THSD7B: variants seen among roughly 807,000 people sequenced by gnomAD.
The protein encoded by THSD7B is thrombospondin type-1 domain-containing protein 7B.
Under a neutral mutation model 213.6 loss-of-function variants are expected in THSD7B, and 138 were observed. The ratio of observed to expected loss-of-function variants is 0.65; its 90% CI spans 0.56 to 0.74. The LOEUF (loss-of-function observed/expected upper bound fraction) is 0.74, where lower values mean the gene tolerates loss of function less well. Ranked by LOEUF, THSD7B falls within the 30% of genes least tolerant of loss-of-function variation. The pLI, the probability that THSD7B is intolerant of heterozygous loss-of-function variation, is 0.00. For missense variants in THSD7B, 1,931 were observed against 1,991.5 expected (o/e 0.97, Z 0.58); for synonymous variants, 742 against 687.0 (o/e 1.08, Z -1.25).
chr2:137,598,686 G>T (rs150440283), intron 17 of THSD7B, among the ~76,000 whole-genome samples: 141 of 152,264 alleles, frequency 9.3e-4, no homozygotes, highest in Non-Finnish European at 1.7e-3. Context: ...TATTGTTAAT[G>T]TGTTAGAACA....
At chr2:137,021,566 A>G (rs1686446318) in intron 2 of THSD7B, among the ~76,000 whole-genome samples, 1 of 152,228 alleles carries the variant, frequency 6.6e-6, no homozygotes, top group Non-Finnish European at 1.5e-5. Context: ...GTGAATTCAC[A>G]TACATTTGTA....
chr2:136,914,925 A>G (rs181370064), intron 2 of THSD7B, among the ~76,000 whole-genome samples: 12 of 152,348 alleles, frequency 7.9e-5, no homozygotes, highest in South Asian at 4.1e-4. Flanking sequence ...CTATATTACC[A>G]GAAACATTAT....
At chr2:137,674,480 T>C (rs769107984) in intron 27 of THSD7B, among the ~76,000 whole-genome samples, 1 of 152,186 alleles carries the variant, frequency 6.6e-6, no homozygotes, top group African/African-American at 2.4e-5. Flanking sequence ...GTGTGCATGA[T>C]TTCTTAGCAC....
chr2:136,964,842 A>G (rs926554547), intron 2 of THSD7B, among the ~76,000 whole-genome samples: 11 of 151,958 alleles, frequency 7.2e-5, no homozygotes, highest in African/African-American at 2.7e-4. Context: ...CTCTACTAAA[A>G]ATACAAAAAT....
chr2:137,529,068 A>T (rs1043345498), intron 15 of THSD7B, among the ~76,000 whole-genome samples: 6 of 152,092 alleles, frequency 3.9e-5, no homozygotes, highest in African/African-American at 1.4e-4. Flanking sequence ...ATGGCTAGTG[A>T]TAGGGAGATA....
At chr2:137,543,664 A>C (rs540741646) in intron 15 of THSD7B, among the ~76,000 whole-genome samples, 43 of 151,994 alleles carry the variant, frequency 2.8e-4, no homozygotes, top group African/African-American at 9.6e-4. Context: ...CACCATCAAG[A>C]AAGTGTGAAG....
At chr2:137,561,463 C>G (rs1259411589) in intron 15 of THSD7B, among the ~76,000 whole-genome samples, 2 of 152,132 alleles carry the variant, frequency 1.3e-5, no homozygotes, top group African/African-American at 4.8e-5. Context: ...AGTTTTTCAT[C>G]CAGCCCTGTT....
intron 12 of THSD7B, among the ~76,000 whole-genome samples, chr2:137,403,065 G>C (rs1203681903): frequency 6.6e-6 from 1 of 152,106 alleles, no homozygotes; most frequent in Non-Finnish European, 1.5e-5. Context: ...TCCCAACAAA[G>C]AAAATGCAGG....
chr2:137,097,075 G>T (rs1688052503), intron 4 of THSD7B, among the ~76,000 whole-genome samples: 1 of 152,146 alleles, frequency 6.6e-6, no homozygotes, highest in African/African-American at 2.4e-5. Flanking sequence ...ACTTCAGAAG[G>T]CTTCTTAATG....
At chr2:137,181,833 T>G (rs1450794021) in intron 7 of THSD7B, among the ~76,000 whole-genome samples, 1 of 152,176 alleles carries the variant, frequency 6.6e-6, no homozygotes, top group Admixed American at 6.5e-5. Context: ...GTGATATTGC[T>G]CTTGGTAGAA....
chr2:137,300,464 G>A (rs1425797791), intron 12 of THSD7B, among the ~76,000 whole-genome samples: 3 of 152,042 alleles, frequency 2.0e-5, no homozygotes, highest in Non-Finnish European at 2.9e-5. Context: ...TCCAGTGATT[G>A]TAGGGTATGT....
chr2:137,308,127 C>T (rs1415019142), intron 12 of THSD7B, among the ~76,000 whole-genome samples: 1 of 152,048 alleles, frequency 6.6e-6, no homozygotes, highest in Non-Finnish European at 1.5e-5. Context: ...AAAGTAACCC[C>T]TTCTTGATGC....
intron 20 of THSD7B, among the ~76,000 whole-genome samples, chr2:137,621,490 G>A (rs369125558): frequency 3.3e-5 from 5 of 152,280 alleles, no homozygotes; most frequent in East Asian, 3.9e-4. Context: ...ATGCACCATG[G>A]CAAGGAATGC....
chr2:137,515,516 T>C (rs1680051189), intron 15 of THSD7B, among the ~76,000 whole-genome samples: 1 of 152,128 alleles, frequency 6.6e-6, no homozygotes, highest in Admixed American at 6.6e-5. Context: ...AGGAGGTACA[T>C]GCCACTTGAA....
intron 2 of THSD7B, among the ~76,000 whole-genome samples, chr2:136,948,395 G>C (rs1382642716): frequency 6.6e-6 from 1 of 151,168 alleles, no homozygotes; most frequent in East Asian, 1.9e-4. Flanking sequence ...GACTCTCATG[G>C]TTGACTGAAT....
At chr2:137,676,468 G>C (rs572006081) in intron 27 of THSD7B, 56 bp from the exon 28 acceptor site, 5 of 1,462,528 alleles carry the variant, frequency 3.4e-6, no homozygotes, top group Non-Finnish European at 4.6e-6. Flanking sequence ...GTCTTTGGCA[G>C]ATGAAACAGA....
intron 2 of THSD7B, among the ~76,000 whole-genome samples, chr2:136,951,600 G>C (rs1365538776): frequency 1.3e-5 from 2 of 152,162 alleles, no homozygotes; most frequent in African/African-American, 4.8e-5. Flanking sequence ...TCTCACTCCA[G>C]CTTTCTTTCT....
At chr2:137,430,741 A>T (rs892032825) in intron 14 of THSD7B, among the ~76,000 whole-genome samples, 1 of 152,228 alleles carries the variant, frequency 6.6e-6, no homozygotes. Context: ...GATTTGAATA[A>T]AATCAAAGGT....
chr2:137,603,914 T>C (rs976591266), intron 17 of THSD7B, among the ~76,000 whole-genome samples: 1 of 151,848 alleles, frequency 6.6e-6, no homozygotes, highest in African/African-American at 2.4e-5. Flanking sequence ...AGTTCAAGAG[T>C]AGCCTGGCCA....
Sources: gnomAD v4.1 joint callset for allele counts (sites outside exome capture counted in the v4.1 genomes callset) on GRCh38, gnomAD v4.1.1 for gene constraint, MANE v1.5 for transcripts, NCBI Gene and HGNC (gene_info 2026-07-23, HGNC 2026-07-21) for gene names.